The following ATM variants were observed in gnomAD, a reference collection of about 807,000 sequenced individuals.
ATM encodes ATM serine/threonine kinase.
In ATM, 308 loss-of-function variants were observed where a neutral mutation model predicts 387.0. That is an observed-to-expected ratio of 0.80 (90% CI 0.73 to 0.87). ATM has a LOEUF of 0.87. ATM is among the 40% of genes least tolerant of loss of function. The pLI is 0.00. For missense variants in ATM, 3,312 were observed against 3,560.9 expected, an observed-to-expected ratio of 0.93 and a Z score of 1.78; for synonymous variants, 1,156 against 1,187.3, an observed-to-expected ratio of 0.97 and a Z score of 0.54.
chr11:108,292,764 G>A lies in ATM; in HGVS notation c.4582G>A (p.Val1528Met), dbSNP rs2135802030. The change falls in exon 30 of 63, where the codon GTG becomes ATG. Residue 1528 changes from valine (V) to methionine (M), a missense_variant. Val to Met is a conservative substitution (Grantham distance 21, BLOSUM62 1). Coordinates refer to ENST00000675843, the MANE Select transcript of ATM (RefSeq NM_000051.4). ...HVIVGTLIPLVYEQVEVQKQV... is the reference protein window; with the variant it reads ...HVIVGTLIPLMYEQVEVQKQV... ...TATTGTTGGTACACTTATACCCCTT[G>A]TGTATGAGCAGGTGGAGGTTCAGAA... The A allele has an allele frequency of 6.2e-7, 1 of 1,613,982 alleles. No individual in the cohort carries two copies. Among genetic ancestry groups the A allele is most frequent in the South Asian group, 1.1e-5 (1 of 91,068 alleles).
chr11:108,321,367 TAGC>T lies in ATM; in HGVS notation c.6522_6524del (p.Ser2174del). 1 of 1,614,188 alleles carries T rather than the reference TAGC, an allele frequency of 6.2e-7. No individual in the cohort carries two copies. The highest frequency in any genetic ancestry group is 1.1e-5 in the South Asian group (1 of 91,076). On this transcript the variant is annotated inframe_deletion, in exon 45 of 63. Coordinates refer to ENST00000675843, the MANE Select transcript of ATM (RefSeq NM_000051.4). ...CTGTGTATTCGCTCTATCCCACACT[TAGC>T]AGGTTGCAGGCCATTGGAGAGCTGG... is the stretch of plus-strand genomic sequence containing the variant.
chr11:108,333,413 C>A (rs897205546), intron 53 of ATM, among the ~76,000 whole-genome samples: 1 of 152,138 alleles, frequency 6.6e-6, no homozygotes, highest in African/African-American at 2.4e-5. Context: ...TTCTAAGTAT[C>A]TCCCCATACT....
In ATM at chr11:108,244,990, A is replaced by G. The variant is rs1555067259; in HGVS notation, c.865A>G (p.Ile289Val). 1.9e-6 allele frequency: 3 copies of G among 1,611,960 alleles called. No homozygotes were observed. The highest frequency in any genetic ancestry group is 2.5e-6 in the Non-Finnish European group (3 of 1,179,628). The change falls in exon 7 of 63, where the codon ATC becomes GTC. Residue 289 changes from isoleucine to valine, a missense_variant. Physicochemically the swap from Ile to Val is conservative, Grantham distance 29. This residue lies in a region of ATM where 1,791 missense variants were observed against 1,804.5 expected (regional missense o/e 0.99). Transcript: ENST00000675843. ...IIELFQLQIY[I>V]HHPKGAKTQE... ...TGAATTATTTCAACTGCAAATTTAT[A>G]TCCATCATCCGAAAGGAGCCAAAAC...
rs876659365 is a variant in ATM, at chr11:108,330,314, T to G, written c.7408T>G (p.Tyr2470Asp). Reference sequence around the variant, plus strand: ...CTTCTTATGTAAAGCAGTTGAAAATTATATCAACTGCTTATTAAGTGGAGA... The same window carrying G: ...CTTCTTATGTAAAGCAGTTGAAAATGATATCAACTGCTTATTAAGTGGAGA... The part of the protein sequence containing the change: ...KRFLCKAVEN[Y>D]INCLLSGEEH... The change falls in exon 50 of 63, where the codon TAT (tyrosine) becomes GAT (aspartate). Residue 2470 changes from tyrosine to aspartate, a missense_variant. Around this residue, in one of 4 missense-constraint regions of ATM, gnomAD observed 1,405 missense variants for 1,604.4 expected, o/e 0.88. Coordinates refer to ENST00000675843, the MANE Select transcript of ATM (RefSeq NM_000051.4). 1.2e-6 allele frequency: 2 copies of G among 1,614,094 alleles called. No individual in the cohort carries two copies. The highest frequency in any genetic ancestry group is 1.7e-6 in the Non-Finnish European group (2 of 1,179,914).
intron 50 of ATM, 117 bp downstream of exon 50, chr11:108,330,538 A>G: frequency 1.0e-6 from 1 of 990,888 alleles, no homozygotes; most frequent in Non-Finnish European, 1.6e-6. Context: ...CCAGTGCTCT[A>G]CACATAAGTA....
rs730881309 is a variant in ATM at position 108,289,006 on chromosome 11, A to AT, written c.4143dup (p.Pro1382SerfsTer6). Reference sequence around the variant, plus strand: ...TTGGATCCTGCTCCTAATCCACCTCATTTTCCATCGCATGTGATTAAAGCA... The same window carrying AT: ...TTGGATCCTGCTCCTAATCCACCTCATTTTTCCATCGCATGTGATTAAAGCA... On this transcript the variant is annotated frameshift_variant, in exon 28 of 63. Transcript: ENST00000675843. LOFTEE classifies it high-confidence loss of function. 4 of 1,613,524 alleles carry AT rather than the reference A, an allele frequency of 2.5e-6. No homozygotes were observed. Among genetic ancestry groups the AT allele is most frequent in the Middle Eastern group, 1.7e-4 (1 of 6,056 alleles).
intron 61 of ATM, among the ~76,000 whole-genome samples, chr11:108,357,005 G>A (rs947975369): frequency 5.3e-5 from 8 of 152,230 alleles, no homozygotes; most frequent in East Asian, 1.9e-4. Flanking sequence ...GCAGAAGACA[G>A]GTGATTTCTG....
At chr11:108,326,841 T>A (rs953796380) in intron 47 of ATM, among the ~76,000 whole-genome samples, 4 of 152,268 alleles carry the variant, frequency 2.6e-5, no homozygotes, top group African/African-American at 7.2e-5. Context: ...TTATTTATTT[T>A]TTGAGACGGA....
At chr11:108,285,319 CTCTTT>C (rs561401750) in intron 26 of ATM, among the ~76,000 whole-genome samples, 11 of 92,762 alleles carry the variant, frequency 1.2e-4, no homozygotes, top group African/African-American at 6.0e-4. Flanking sequence ...ACATTTTTCT[CTCTTT>C]TTTTTTTTTT....
chr11:108,343,613 G>T (rs991731876), intron 57 of ATM, among the ~76,000 whole-genome samples: 2 of 152,146 alleles, frequency 1.3e-5, no homozygotes, highest in Non-Finnish European at 2.9e-5. Flanking sequence ...AATGTGTGCT[G>T]ATTTGTTTTC....
intron 38 of ATM, chr11:108,308,958 A>T (rs548184727): frequency 6.8e-7 from 1 of 1,481,370 alleles, no homozygotes; most frequent in East Asian, 2.5e-5. Flanking sequence ...CCTTTGAGTC[A>T]TTCATTTCAG....
chr11:108,363,277 C>G (rs1352854628), intron 61 of ATM, among the ~76,000 whole-genome samples: 2 of 152,156 alleles, frequency 1.3e-5, no homozygotes, highest in Non-Finnish European at 2.9e-5. Flanking sequence ...GTCACTATTT[C>G]TGAACTGATC....
rs1555085805 is a variant in ATM, at chr11:108,272,550, G to T, written c.3096G>T (p.Arg1032Ser). 3 of 1,613,146 alleles carry T rather than the reference G, an allele frequency of 1.9e-6. No homozygotes were observed. The highest frequency in any genetic ancestry group is 2.5e-6 in the Non-Finnish European group (3 of 1,179,244). ...ATTTCAGGCATCTAACAAAGGAGAG[G>T]AAATATATATTCTCTGTAAGAATGG... ...IGAFWHLTKE[R>S]KYIFSVRMAL... is the part of the protein sequence containing the mutation. Residue 1032 changes from arginine to serine, a missense_variant, in exon 21 of 63, where the codon AGG (arginine) becomes AGT (serine). By Grantham distance (110) the Arg-to-Ser change is moderately radical (BLOSUM62 -1). Coordinates refer to ENST00000675843, the MANE Select transcript of ATM (RefSeq NM_000051.4).
chr11:108,279,579 T>C lies in ATM; in HGVS notation c.3373T>C (p.Leu1125=), dbSNP rs775277598. ...GCAAACAGCTTTTGAAAATGCATAC[T>C]TGAAAGCTCAGGAAGGAATGAGAGA... The part of the protein sequence containing the change: ...LQQTAFENAY[L]KAQEGMREMS... Residue 1125 remains leucine, a synonymous_variant, in exon 23 of 63, where the codon TTG becomes CTG. Transcript: ENST00000675843. 1.2e-5 allele frequency: 19 copies of C among 1,613,004 alleles called. No individual in the cohort carries two copies. In the South Asian group the frequency reaches 2.0e-4, roughly 17 times the overall value.
At chr11:108,269,052 C>CCA (rs976507645) in intron 18 of ATM, among the ~76,000 whole-genome samples, 5 of 152,086 alleles carry the variant, frequency 3.3e-5, no homozygotes, top group Non-Finnish European at 7.4e-5. Context: ...TTCCCTCTCT[C>CCA]CACACACACA....
In ATM at chr11:108,281,484, C is replaced by A. The variant is rs2135673506; in HGVS notation, c.3576+316C>A. ...TGAGGGAAACACATGGAGACAAGAG[C>A]AGCATAGGTGTTTTGCCCGGTAGAT... On this transcript the variant is annotated intron_variant, in intron 24 of 62. Transcript: ENST00000675843. Among the ~76,000 whole-genome samples, 4 of 152,256 alleles carry A rather than the reference C, an allele frequency of 2.6e-5. No individual in the cohort carries two copies. The South Asian group carries it at 8.3e-4, about 32-fold the overall frequency.
At chr11:108,317,252 T>A in intron 42 of ATM, 121 bp from the exon 43 acceptor site, 1 of 1,075,724 alleles carries the variant, frequency 9.3e-7, no homozygotes, top group South Asian at 1.4e-5. Context: ...ATTTTGGGAT[T>A]TTAAATGATA....
intron 51 of ATM, 64 bp from the exon 52 acceptor site, chr11:108,331,815 A>G: frequency 1.3e-6 from 2 of 1,568,348 alleles, no homozygotes; most frequent in South Asian, 2.3e-5. Context: ...TGTTAAGCAA[A>G]ATGAAAAATA....
At chr11:108,312,977 T>C (rs978838433) in intron 40 of ATM, among the ~76,000 whole-genome samples, 2 of 152,198 alleles carry the variant, frequency 1.3e-5, no homozygotes, top group African/African-American at 4.8e-5. Flanking sequence ...TTTCAGCTTC[T>C]CCATTCTGCT....
Sources: gnomAD v4.1 joint callset for allele counts (sites outside exome capture counted in the v4.1 genomes callset) on GRCh38, gnomAD v4.1.1 for gene constraint, gnomAD v4.1.1 regional missense constraint, MANE v1.5 for transcripts, NCBI Gene and HGNC (gene_info 2026-07-23, HGNC 2026-07-21) for gene names.